The following ABR variants were observed in gnomAD, a reference collection of about 807,000 sequenced individuals.
ABR encodes active breakpoint cluster region-related protein.
A neutral mutation model predicts 107.2 loss-of-function variants in ABR; 35 were observed. That is an observed-to-expected ratio of 0.33 (90% confidence interval 0.25 to 0.43). The LOEUF (loss-of-function observed/expected upper bound fraction) is 0.43, where lower values mean the gene tolerates loss of function less well. Among genes scored for constraint, ABR ranks in the 20% least tolerant of loss-of-function variants. The probability of loss-of-function intolerance (pLI) is 1.00; values close to 1 mark genes in which losing one functional copy is unlikely to be tolerated. For synonymous variants in ABR, 498 were observed against 462.0 expected (o/e 1.08, Z -1.00); for missense variants, 815 against 1,115.2 (o/e 0.73, Z 3.83).
rs1215727376 is a variant in ABR at position 1,194,844 on chromosome 17, G to A, written c.838+33949C>T. On this transcript the variant is annotated intron_variant, in intron 1 of 22. Coordinates refer to the ABR transcript ENST00000574139. ...AATTTTGTATTTTTAGTAGAGACAG[G>A]GTTTCGCCATGTTGGCCAGACTGGT... Among the ~76,000 whole-genome samples, 46 of 123,510 alleles carry A rather than the reference G, an allele frequency of 3.7e-4. 11 individuals carry two copies. In the Admixed American group the frequency reaches 4.3e-3, roughly 12 times the overall value. 81.0% of individuals were successfully genotyped at this position (123,510 alleles called of 152,430 possible).
chr17:1,182,966 T>C (rs1415504783), upstream of ABR, among the ~76,000 whole-genome samples: 4 of 151,734 alleles, frequency 2.6e-5, no homozygotes, highest in Admixed American at 6.6e-5. Flanking sequence ...AGCACCACAG[T>C]GATTTGGGTG....
chr17:1,032,661 C>CAGAGGACG (rs1407110844), intron 16 of ABR, among the ~76,000 whole-genome samples: 72 of 148,882 alleles, frequency 4.8e-4, no homozygotes, highest in South Asian at 8.4e-4. Flanking sequence ...GTGCTGGGCG[C>CAGAGGACG]CTTGAGAGAG....
chr17:1,170,476 G>A (rs572627524), intron 1 of ABR, among the ~76,000 whole-genome samples: 8 of 152,090 alleles, frequency 5.3e-5, no homozygotes, highest in South Asian at 4.2e-4. Flanking sequence ...TCATTCTGTC[G>A]CCCAGGCTGG....
chr17:1,058,579 T>C (rs945685664), intron 11 of ABR, among the ~76,000 whole-genome samples, 166 bp downstream of exon 11: 1 of 152,130 alleles, frequency 6.6e-6, no homozygotes. Flanking sequence ...AGGGCACTCA[T>C]TCCACACGAG....
intron 16 of ABR, among the ~76,000 whole-genome samples, chr17:1,040,600 T>C (rs1398779936): frequency 6.6e-6 from 1 of 152,124 alleles, no homozygotes; most frequent in African/African-American, 2.4e-5. Flanking sequence ...GGACCACTTA[T>C]AGGTGACAGC....
intron 2 of ABR, among the ~76,000 whole-genome samples, chr17:1,114,465 G>C (rs1409507656): frequency 6.7e-5 from 8 of 118,702 alleles, no homozygotes; most frequent in Non-Finnish European, 1.0e-4. Context: ...GCAAGACTCT[G>C]TCTCAAAAAA....
exon 1 of ABR, among the ~76,000 whole-genome samples, chr17:1,229,636 G>A (rs1327053927): frequency 1.3e-5 from 2 of 151,802 alleles, no homozygotes; most frequent in Non-Finnish European, 2.9e-5. Context: ...CACATGCCCC[G>A]AGCTCCGTCC....
intron 6 of ABR, among the ~76,000 whole-genome samples, chr17:1,076,253 T>C (rs2035699417): frequency 6.6e-6 from 1 of 152,142 alleles, no homozygotes; most frequent in Admixed American, 6.5e-5. Context: ...CTTTCTTATC[T>C]AGCAGTTTCC....
chr17:1,151,196 C>T (rs1016707727), intron 1 of ABR, among the ~76,000 whole-genome samples: 1 of 152,078 alleles, frequency 6.6e-6, no homozygotes, highest in Non-Finnish European at 1.5e-5. Flanking sequence ...TAAAGCACAC[C>T]GAAGAGAGGA....
chr17:1,029,975 C>T (rs777794245), intron 16 of ABR, among the ~76,000 whole-genome samples: 29 of 152,330 alleles, frequency 1.9e-4, no homozygotes, highest in Non-Finnish European at 2.8e-4. Flanking sequence ...ACACAGCACA[C>T]GTTAGGGGAT....
At chr17:1,178,182 C>T (rs1013176283) in intron 1 of ABR, 2 of 152,212 alleles carry the variant, frequency 1.3e-5, no homozygotes, top group Non-Finnish European at 2.9e-5. Context: ...ACCACACAGC[C>T]TCCAGAGTAA....
intron 10 of ABR, among the ~76,000 whole-genome samples, chr17:1,064,282 T>C (rs1325448547): frequency 7.2e-5 from 2 of 27,930 alleles, no homozygotes; most frequent in African/African-American, 1.1e-4. Context: ...CCAGACACTG[T>C]TGTTATGTGA....
chr17:1,171,848 T>A (rs1034294954), intron 1 of ABR, among the ~76,000 whole-genome samples: 8 of 152,134 alleles, frequency 5.3e-5, no homozygotes, highest in African/African-American at 1.9e-4. Flanking sequence ...GAGAACTGCT[T>A]GAACCCGGGA....
At chr17:1,109,122 C>CGGGAGGAGGGAGGAGGGAGGA in intron 2 of ABR, 1 of 1,131,426 alleles carries the variant, frequency 8.8e-7, no homozygotes, top group Non-Finnish European at 1.2e-6. Context: ...GCAGCGGCGG[C>CGGGAGGAGGGAGGAGGGAGGA]GGGAGGAGGG....
At chr17:1,076,721 G>A (rs1219829847) in intron 6 of ABR, among the ~76,000 whole-genome samples, 5 of 42,018 alleles carry the variant, frequency 1.2e-4, no homozygotes, top group Admixed American at 9.9e-4. Context: ...GCACGGGGGG[G>A]GTGGGGGTGG....
At chr17:1,063,416 G>A in intron 10 of ABR, among the ~76,000 whole-genome samples, 1 of 148,874 alleles carries the variant, frequency 6.7e-6, no homozygotes, top group Non-Finnish European at 1.5e-5. Flanking sequence ...GGCTATGCAT[G>A]TTCCTCTAGA....
At chr17:1,073,036 T>C (rs1037876529) in intron 7 of ABR, among the ~76,000 whole-genome samples, 6 of 151,770 alleles carry the variant, frequency 4.0e-5, no homozygotes, top group African/African-American at 7.3e-5. Flanking sequence ...AAAAATTAGC[T>C]GGGCGTGGTG....
intron 16 of ABR, among the ~76,000 whole-genome samples, chr17:1,023,111 C>T (rs1231659445): frequency 6.7e-6 from 1 of 149,502 alleles, no homozygotes; most frequent in Non-Finnish European, 1.5e-5. Flanking sequence ...GCCGGCCCCA[C>T]GTCCACTACA....
intron 16 of ABR, among the ~76,000 whole-genome samples, chr17:1,021,265 C>T (rs1394863447): frequency 6.6e-6 from 1 of 152,236 alleles, no homozygotes; most frequent in African/African-American, 2.4e-5. Flanking sequence ...TTTGCCAGGG[C>T]CCCAAGAGCT....
Sources: gnomAD v4.1 joint callset for allele counts (sites outside exome capture counted in the v4.1 genomes callset) on GRCh38, gnomAD v4.1.1 for gene constraint, MANE v1.5 for transcripts, NCBI Gene and HGNC (gene_info 2026-07-23, HGNC 2026-07-21) for gene names.